Variants in TRMO observed in about 807,000 individuals in gnomAD.
TRMO encodes tRNA methyltransferase O.
In TRMO, 30 loss-of-function variants were observed where a neutral mutation model predicts 37.2. The observed-to-expected ratio is 0.81, with a 90% CI of 0.60 to 1.09. The LOEUF (loss-of-function observed/expected upper bound fraction) is 1.09, where lower values mean the gene tolerates loss of function less well. Among genes scored for constraint, TRMO ranks in the 50% least tolerant of loss-of-function variants. TRMO has a pLI of 0.00. For synonymous variants in TRMO, 239 were observed against 199.4 expected, an observed-to-expected ratio of 1.20 and a Z score of -1.67; for missense variants, 552 against 549.5, an observed-to-expected ratio of 1.00 and a Z score of -0.05.
At chr9:97,911,221 T>C (rs1406722172) in intron 3 of TRMO, 1 of 201,564 alleles carries the variant, frequency 5.0e-6, no homozygotes, top group Non-Finnish European at 1.1e-5. Flanking sequence ...AGGTATGATG[T>C]CCCTCCAGTG....
At position 97,910,045 on chromosome 9, in the gene TRMO, G is replaced by C. The variant is rs2131523851; in HGVS notation, c.981C>G (p.Ala327=). The change falls in exon 4 of 5, where the codon GCC becomes GCG. Residue 327 remains alanine, a synonymous_variant. Coordinates refer to ENST00000375119, the MANE Select transcript of TRMO (RefSeq NM_016481.5). ...ADGAPRSVVP[A]WVTEAPVATL... Reference sequence around the variant, plus strand: ...TGGCCACAGGAGCCTCTGTCACCCAGGCAGGAACCACGCTGCGGGGAGCTC... The same window carrying C: ...TGGCCACAGGAGCCTCTGTCACCCACGCAGGAACCACGCTGCGGGGAGCTC... 1.9e-6 allele frequency: 3 copies of C among 1,612,014 alleles called. No individual in the cohort carries two copies. The highest frequency in any genetic ancestry group is 2.7e-5 in the African/African-American group (2 of 74,968).
chr9:97,910,687 C>T, intron 3 of TRMO, 71 bp from the exon 4 acceptor site: 1 of 1,542,030 alleles, frequency 6.5e-7, no homozygotes, highest in Non-Finnish European at 8.7e-7. Context: ...CCCCAGAATC[C>T]TCTAACACTG....
downstream of TRMO, among the ~76,000 whole-genome samples, chr9:97,904,025 T>G (rs1006806481): frequency 6.6e-5 from 10 of 152,120 alleles, no homozygotes; most frequent in African/African-American, 2.4e-4. Flanking sequence ...GAGATTGCAG[T>G]GAGCCGAGAT....
chr9:97,905,086 A>C (rs1045884741), intron 4 of TRMO, 94 bp from the exon 5 acceptor site: 1 of 1,328,584 alleles, frequency 7.5e-7, no homozygotes, highest in Non-Finnish European at 1.1e-6. Flanking sequence ...GGTTCCTTAA[A>C]GATCACTTGA....
rs535396205 is a variant in TRMO at position 97,908,151 on chromosome 9, A to G, written c.1066+1809T>C. On this transcript the variant is annotated intron_variant, in intron 4 of 4. Transcript: ENST00000375119. ...AAATAGGTTGGGCACGGTGGCTCAC[A>G]CCTGTAATCTGGACACTTTGGGAGG... Among the ~76,000 whole-genome samples the G allele has an allele frequency of 1.3e-3, 196 of 152,156 alleles. 1 individual carries two copies. Among genetic ancestry groups the G allele is most frequent in the Middle Eastern group, 3.4e-3 (1 of 294 alleles).
chr9:97,904,829 A>C lies in TRMO; in HGVS notation c.1230T>G (p.Phe410Leu). The C allele has an allele frequency of 6.2e-7, 1 of 1,614,242 alleles. No individual in the cohort carries two copies. Among genetic ancestry groups the C allele is most frequent in the Non-Finnish European group, 8.5e-7 (1 of 1,180,036 alleles). The change falls in exon 5 of 5, where the codon TTT (phenylalanine) becomes TTG (leucine). Residue 410 changes from phenylalanine to leucine, a missense_variant. Physicochemically the swap from Phe to Leu is conservative, Grantham distance 22. Transcript: ENST00000375119. Reference protein sequence around the residue: ...TVDIAHVTCWFGDGFAEVLRI... With the variant: ...TVDIAHVTCWLGDGFAEVLRI... Reference sequence around the variant, plus strand: ...TCAGCACCTCTGCAAAGCCATCACCAAACCAGCAAGTGACATGCGCTATGT... The same window carrying C: ...TCAGCACCTCTGCAAAGCCATCACCCAACCAGCAAGTGACATGCGCTATGT...
At chr9:97,900,378 A>C (rs1831142540), downstream of TRMO, among the ~76,000 whole-genome samples, 1 of 152,246 alleles carries the variant, frequency 6.6e-6, no homozygotes, top group African/African-American at 2.4e-5. Flanking sequence ...GGCCAAGCCC[A>C]GTGCTCTTCG....
chr9:97,898,020 C>T, the TRMO span, among the ~76,000 whole-genome samples: 1 of 152,126 alleles, frequency 6.6e-6, no homozygotes, highest in Non-Finnish European at 1.5e-5. Flanking sequence ...CACACCAGCA[C>T]GCTTGGCTTC....
At chr9:97,911,061 C>T (rs775252561) in intron 3 of TRMO, 27 of 402,428 alleles carry the variant, frequency 6.7e-5, no homozygotes, top group Non-Finnish European at 9.9e-6. Context: ...TAGTAGTCCT[C>T]AGTATATCTC....
intron 3 of TRMO, chr9:97,910,932 T>C: frequency 1.9e-6 from 1 of 535,170 alleles, no homozygotes. Flanking sequence ...GCTAGAGCGC[T>C]TTCCCCACGG....
intron 2 of TRMO, among the ~76,000 whole-genome samples, chr9:97,914,507 C>T (rs1207700989): frequency 1.3e-5 from 2 of 152,040 alleles, no homozygotes; most frequent in African/African-American, 4.8e-5. Flanking sequence ...AATATGCTTA[C>T]CTTCTAACCC....
At position 97,910,161 on chromosome 9, in the gene TRMO, G is replaced by A. The variant is rs1490410383; in HGVS notation, c.865C>T (p.Leu289=). 2 of 1,614,150 alleles carry A rather than the reference G, an allele frequency of 1.2e-6. No homozygotes were observed. ...SFSEKGTDKK[L]ERVEGAAVLQ... The stretch of plus-strand genomic sequence containing the variant: ...ACTGCTGCTCCTTCCACTCTTTCTA[G>A]CTTCTTGTCTGTACCTTTCTCTGAA... The change falls in exon 4 of 5, where the codon CTA becomes TTA. Residue 289 remains leucine (L), a synonymous_variant. Coordinates refer to ENST00000375119, the MANE Select transcript of TRMO (RefSeq NM_016481.5).
At chr9:97,912,956 A>G (rs1265535766) in intron 3 of TRMO, 15 of 1,303,188 alleles carry the variant, frequency 1.2e-5, no homozygotes, top group Non-Finnish European at 1.5e-5. Flanking sequence ...CAGCCATGAT[A>G]TCTGTCCATT....
At chr9:97,900,375 C>T (rs1352179239), downstream of TRMO, among the ~76,000 whole-genome samples, 1 of 152,234 alleles carries the variant, frequency 6.6e-6, no homozygotes, top group African/African-American at 2.4e-5. Flanking sequence ...TGAGGCCAAG[C>T]CCAGTGCTCT....
At chr9:97,897,666 T>C in the TRMO span, among the ~76,000 whole-genome samples, 5 of 152,180 alleles carry the variant, frequency 3.3e-5, no homozygotes, top group Non-Finnish European at 7.3e-5. Flanking sequence ...ATATGAAGAA[T>C]TATGTAGTTT....
intron 1 of TRMO, among the ~76,000 whole-genome samples, chr9:97,919,629 A>G (rs1431931057): frequency 2.0e-5 from 3 of 152,224 alleles, no homozygotes; most frequent in African/African-American, 7.2e-5. Flanking sequence ...CAGTAAAGTA[A>G]TCAAAGACTT....
At chr9:97,910,747 G>T in intron 3 of TRMO, 131 bp from the exon 4 acceptor site, 1 of 1,012,988 alleles carries the variant, frequency 9.9e-7, no homozygotes, top group Non-Finnish European at 1.4e-6. Flanking sequence ...CACAGACCTA[G>T]TACCAACACA....
At chr9:97,914,781 T>C (rs1826278704) in intron 2 of TRMO, among the ~76,000 whole-genome samples, 1 of 152,168 alleles carries the variant, frequency 6.6e-6, no homozygotes, top group African/African-American at 2.4e-5. Flanking sequence ...ATACCCACTC[T>C]GTATGTATAT....
At chr9:97,922,290 T>A in intron 1 of TRMO, 128 bp downstream of exon 1, 1 of 679,438 alleles carries the variant, frequency 1.5e-6, no homozygotes, top group Non-Finnish European at 2.5e-6. Context: ...GACCCGTGCC[T>A]TCGCCGTAGG....
Sources: gnomAD v4.1 joint callset for allele counts (sites outside exome capture counted in the v4.1 genomes callset) on GRCh38, gnomAD v4.1.1 for gene constraint, MANE v1.5 for transcripts, NCBI Gene and HGNC (gene_info 2026-07-23, HGNC 2026-07-21) for gene names.